CDCA7L: variants seen among roughly 807,000 people sequenced by gnomAD.
CDCA7L encodes the protein cell division cycle associated 7 like.
In CDCA7L, 44 loss-of-function variants were observed where a neutral mutation model predicts 57.4. The ratio of observed to expected loss-of-function variants is 0.77; its 90% CI spans 0.60 to 0.98. The LOEUF (loss-of-function observed/expected upper bound fraction) is 0.98. CDCA7L is among the 50% of genes least tolerant of loss of function. The probability of loss-of-function intolerance (pLI) is 0.00; values close to 1 mark genes in which losing one functional copy is unlikely to be tolerated. For synonymous variants in CDCA7L, 236 were observed against 202.8 expected (o/e 1.16, Z -1.39); for missense variants, 644 against 580.6 (o/e 1.11, Z -1.12).
At chr7:21,911,487 T>G (rs11978167) in intron 3 of CDCA7L, 130 bp downstream of exon 3, 239,339 of 1,151,520 alleles carry the variant, frequency 0.21, 25,870 homozygotes, top group African/African-American at 0.31. Flanking sequence ...TTAGGTTATG[T>G]TAATTGCTTG....
intron 4 of CDCA7L, among the ~76,000 whole-genome samples, chr7:21,906,959 C>T (rs551113044): frequency 1.2e-4 from 19 of 152,220 alleles, no homozygotes; most frequent in African/African-American, 4.6e-4. Context: ...TAATCCAAGG[C>T]GGTGTGACCC....
In CDCA7L at chr7:21,902,215, TTCTGTA is replaced by T. The variant is rs1784919437; in HGVS notation, c.*101_*106del. On this transcript the variant is annotated 3_prime_UTR_variant, in exon 10 of 10. Transcript: ENST00000406877. ...AAAAATAGTAATTTCTACAAAGAATTTCTGTATAAAAACACAACTGTAAAAAAATCT... is the reference window on the plus strand; with the variant it reads ...AAAAATAGTAATTTCTACAAAGAATTTAAAAACACAACTGTAAAAAAATCT... 1 of 1,026,330 alleles carries T rather than the reference TTCTGTA, an allele frequency of 9.7e-7. No homozygotes were observed. Among genetic ancestry groups the T allele is most frequent in the Admixed American group, 1.9e-5 (1 of 51,628 alleles). The allele number at this position is 1,026,330 out of a possible 1,614,324, so 63.6% of individuals were successfully genotyped here. A position where few individuals can be genotyped will look rare whatever the true frequency, so the allele number is the denominator to read the frequency against.
chr7:21,901,552 G>T lies in CDCA7L; in HGVS notation c.*770C>A. 9.4e-6 allele frequency: 2 copies of T among 213,766 alleles called. No individual in the cohort carries two copies. Among genetic ancestry groups the T allele is most frequent in the Non-Finnish European group, 9.1e-6 (1 of 109,568 alleles). 13.2% of individuals were successfully genotyped at this position (213,766 alleles called of 1,614,324 possible). The stretch of plus-strand genomic sequence containing the variant: ...CCACTGCACTCCCTCCTGGGCAACA[G>T]AACAAGACTCCATCTCAAAAAAAAA... On this transcript the variant is annotated 3_prime_UTR_variant, in exon 10 of 10. Transcript: ENST00000406877.
chr7:21,916,894 T>A lies in CDCA7L; in HGVS notation c.25A>T (p.Ile9Phe). Residue 9 changes from isoleucine (I) to phenylalanine (F), a missense_variant and splice_region_variant, in exon 2 of 10, where the codon ATC becomes TTC. Coordinates refer to ENST00000406877, the MANE Select transcript of CDCA7L (RefSeq NM_018719.5). ...AAGATGTCAGCCACTTCTTTAGGGA[T>A]CTGTTTTGGATTCAAAAGAGGCAGG... is the stretch of plus-strand genomic sequence containing the variant. MELATRYQ[I>F]PKEVADIFNA... The A allele has an allele frequency of 6.2e-7, 1 of 1,614,048 alleles. No individual in the cohort carries two copies. Among genetic ancestry groups the A allele is most frequent in the Non-Finnish European group, 8.5e-7 (1 of 1,179,964 alleles).
intron 1 of CDCA7L, among the ~76,000 whole-genome samples, chr7:21,940,467 AT>A (rs1786304474): frequency 6.6e-6 from 1 of 152,226 alleles, no homozygotes; most frequent in South Asian, 2.1e-4. Flanking sequence ...GCCAGACACC[AT>A]GCTAAGAGAG....
At chr7:21,902,952 T>C in intron 9 of CDCA7L, 26 bp downstream of exon 9, 1 of 1,607,292 alleles carries the variant, frequency 6.2e-7, no homozygotes, top group Non-Finnish European at 8.5e-7. Context: ...TCAAGCTGTT[T>C]TGTAAGCTGC....
Position 21,945,820 on chromosome 7 carries a change from T to A in CDCA7L, c.-16A>T. 1.3e-6 allele frequency: 2 copies of A among 1,597,226 alleles called. No individual in the cohort carries two copies. Among genetic ancestry groups the A allele is most frequent in the Non-Finnish European group, 1.7e-6 (2 of 1,173,408 alleles). Reference sequence around the variant, plus strand: ...CCAACTCCATTCTTCCTAACCGGGCTCCAGTCTCCTCCCAGCACGCGGCCA... The same window carrying A: ...CCAACTCCATTCTTCCTAACCGGGCACCAGTCTCCTCCCAGCACGCGGCCA... On this transcript the variant is annotated 5_prime_UTR_variant, in exon 1 of 10. Coordinates refer to ENST00000406877, the MANE Select transcript of CDCA7L (RefSeq NM_018719.5).
At chr7:21,945,018 A>G (rs1183625722) in intron 1 of CDCA7L, 1 of 152,192 alleles carries the variant, frequency 6.6e-6, no homozygotes. Flanking sequence ...GTAAACATGT[A>G]TCTCCATTAC....
At chr7:21,933,796 T>C (rs1484181127) in intron 1 of CDCA7L, among the ~76,000 whole-genome samples, 1 of 138,558 alleles carries the variant, frequency 7.2e-6, no homozygotes, top group African/African-American at 2.6e-5. Flanking sequence ...GAACTTAAAG[T>C]ATAAAAAAAA....
In CDCA7L at chr7:21,908,348, T is replaced by A; in HGVS notation, c.463A>T (p.Asn155Tyr). The A allele has an allele frequency of 6.2e-7, 1 of 1,609,904 alleles. No individual in the cohort carries two copies. The highest frequency in any genetic ancestry group is 8.5e-7 in the Non-Finnish European group (1 of 1,178,962). Residue 155 changes from asparagine to tyrosine, a missense_variant, in exon 4 of 10, where the codon AAC (asparagine) becomes TAC (tyrosine). Physicochemically the swap from Asn to Tyr is moderately radical, Grantham distance 143. Coordinates refer to ENST00000406877, the MANE Select transcript of CDCA7L (RefSeq NM_018719.5). The part of the protein sequence containing the change: ...AFQFPTKKLA[N>Y]KPDKNSSSEQ... ...GAAGAACTGTTTTTATCTGGTTTGT[T>A]GGCCAGCTTCTTGGTGGGGAACTGA...
At position 21,901,225 on chromosome 7, in the gene CDCA7L, G is replaced by C; in HGVS notation, c.*1097C>G. On this transcript the variant is annotated 3_prime_UTR_variant, in exon 10 of 10. Coordinates refer to ENST00000406877, the MANE Select transcript of CDCA7L (RefSeq NM_018719.5). ...AGAGAAGACTGCAAAATGGGTTCTG[G>C]CTGGAGTGGCTCTGCTTCTAGAAGC... 6.2e-7 allele frequency: 1 copy of C among 1,610,532 alleles called. No individual in the cohort carries two copies. Among genetic ancestry groups the C allele is most frequent in the Non-Finnish European group, 8.5e-7 (1 of 1,178,256 alleles).
rs376207272 is a variant in CDCA7L at position 21,909,742 on chromosome 7, C to G, written c.304-1235G>C. Among the ~76,000 whole-genome samples, 5 of 152,294 alleles carry G rather than the reference C, an allele frequency of 3.3e-5. No homozygotes were observed. The East Asian group carries it at 5.8e-4, about 18-fold the overall frequency. On this transcript the variant is annotated intron_variant, in intron 3 of 9. Transcript: ENST00000406877. ...TGATCCATTTATCTACCATCCTCAT[C>G]ATCGACAGGCCTCTCTTTACCAGAT... is the stretch of plus-strand genomic sequence containing the variant.
intron 1 of CDCA7L, among the ~76,000 whole-genome samples, chr7:21,932,547 G>A (rs1392054036): frequency 1.3e-5 from 2 of 152,136 alleles, no homozygotes; most frequent in Non-Finnish European, 2.9e-5. Flanking sequence ...AACAAGCAGT[G>A]GGGAAAGGAT....
chr7:21,906,220 G>A, intron 6 of CDCA7L, 69 bp downstream of exon 6: 1 of 1,449,152 alleles, frequency 6.9e-7, no homozygotes, highest in Admixed American at 2.1e-5. Context: ...GGGTGACAGT[G>A]ACGTGCGTTC....
chr7:21,903,303 C>T lies in CDCA7L; in HGVS notation c.1198-189G>A, dbSNP rs1456041085. On this transcript the variant is annotated intron_variant, in intron 8 of 9. Transcript: ENST00000406877. The stretch of plus-strand genomic sequence containing the variant: ...AATCACCCCACGTCACATGCAAACA[C>T]TGAAAAATGACACCTTTTAGGGCTC... 2.0e-5 allele frequency among the ~76,000 whole-genome samples: 3 copies of T among 152,140 alleles called. No homozygotes were observed. In the East Asian group the frequency reaches 5.8e-4, roughly 29 times the overall value.
chr7:21,912,309 C>T lies in CDCA7L; in HGVS notation c.166-555G>A, dbSNP rs76636030. 6.7e-3 allele frequency among the ~76,000 whole-genome samples: 1,017 copies of T among 152,182 alleles called. 6 individuals are homozygous for T. The highest frequency in any genetic ancestry group is 0.022 in the African/African-American group (930 of 41,510). ...ACCCTCTCTCAAAAAAACCCGCATA[C>T]GTACACGTATATATTACATATATAC... On this transcript the variant is annotated intron_variant, in intron 2 of 9. Coordinates refer to ENST00000406877, the MANE Select transcript of CDCA7L (RefSeq NM_018719.5).
intron 1 of CDCA7L, among the ~76,000 whole-genome samples, chr7:21,937,063 AT>A (rs1786190121): frequency 1.3e-5 from 2 of 152,216 alleles, no homozygotes; most frequent in Non-Finnish European, 2.9e-5. Context: ...CATCAGAATA[AT>A]AAAGTACTTA....
Position 21,908,596 on chromosome 7 carries a change from A to T in CDCA7L, c.304-89T>A, listed in dbSNP as rs1785216058. The T allele has an allele frequency of 7.5e-6, 10 of 1,324,726 alleles. No homozygotes were observed. In the South Asian group the frequency reaches 1.9e-4, roughly 25 times the overall value. 82.1% of individuals were successfully genotyped at this position (1,324,726 alleles called of 1,614,324 possible). A position where few individuals can be genotyped will look rare whatever the true frequency, so the allele number is the denominator to read the frequency against. On this transcript the variant is annotated intron_variant, in intron 3 of 9. Coordinates refer to ENST00000406877, the MANE Select transcript of CDCA7L (RefSeq NM_018719.5). ...ATTTAAAACAACTGACAGCATTATG[A>T]GAAAAAACATGAAAAATGAAAAGCT...
chr7:21,928,769 A>T (rs1414852687), intron 1 of CDCA7L, among the ~76,000 whole-genome samples: 1 of 152,052 alleles, frequency 6.6e-6, no homozygotes, highest in Non-Finnish European at 1.5e-5. Context: ...AGAGTGAAAA[A>T]GGAACAAAAA....
Sources: gnomAD v4.1 joint callset for allele counts (sites outside exome capture counted in the v4.1 genomes callset) on GRCh38, gnomAD v4.1.1 for gene constraint, MANE v1.5 for transcripts, NCBI Gene and HGNC (gene_info 2026-07-23, HGNC 2026-07-21) for gene names.